Variants in IL10 observed in about 807,000 individuals in gnomAD.
IL10 encodes the protein interleukin 10.
A neutral mutation model predicts 21.0 loss-of-function variants in IL10; 7 were observed. The ratio of observed to expected loss-of-function variants is 0.33; its 90% CI spans 0.19 to 0.63. The LOEUF (loss-of-function observed/expected upper bound fraction) is 0.63, where lower values mean the gene tolerates loss of function less well. Ranked by LOEUF, IL10 falls within the 20% of genes least tolerant of loss-of-function variation. The pLI, the probability that IL10 is intolerant of heterozygous loss-of-function variation, is 0.77. For synonymous variants in IL10, 83 were observed against 79.7 expected (o/e 1.04, Z -0.22); for missense variants, 161 against 213.0 (o/e 0.76, Z 1.52).
At chr1:206,771,245 TCTC>T (rs2102439547) in intron 2 of IL10, 108 bp downstream of exon 2, 2 of 1,197,974 alleles carry the variant, frequency 1.7e-6, no homozygotes, top group East Asian at 2.3e-5. Context: ...TCTTCCCACT[TCTC>T]CTTTTCAAAG....
In IL10 at chr1:206,772,424, T is replaced by C. The variant is rs766025752; in HGVS notation, c.12A>G (p.Ser4=). 2.0e-5 allele frequency: 33 copies of C among 1,614,010 alleles called. No individual in the cohort carries two copies. The highest frequency in any genetic ancestry group is 2.7e-5 in the Non-Finnish European group (32 of 1,180,026). ...GGAGGACCAGGCAACAGAGCAGTGCTGAGCTGTGCATGCCTTCTTTTGCAA... is the reference window on the plus strand; with the variant it reads ...GGAGGACCAGGCAACAGAGCAGTGCCGAGCTGTGCATGCCTTCTTTTGCAA... The part of the protein sequence containing the change: MHS[S]ALLCCLVLLT... The change falls in exon 1 of 5, where the codon TCA becomes TCG. Residue 4 remains serine, a synonymous_variant. Transcript: ENST00000423557.
intron 1 of IL10, among the ~76,000 whole-genome samples, chr1:206,771,778 C>T (rs1469841354): frequency 6.6e-6 from 1 of 152,204 alleles, no homozygotes; most frequent in Non-Finnish European, 1.5e-5. Flanking sequence ...TTTCTTTCTC[C>T]CCACTGTAGA....
intron 3 of IL10, chr1:206,770,683 G>A: frequency 1.7e-6 from 1 of 584,920 alleles, no homozygotes; most frequent in Non-Finnish European, 3.1e-6. Flanking sequence ...CAAATAACAG[G>A]AAAGCTGTTT....
intron 4 of IL10, chr1:206,769,541 C>T (rs1349092001): frequency 1.9e-6 from 1 of 537,046 alleles, no homozygotes; most frequent in Non-Finnish European, 3.4e-6. Context: ...TCACTCTCCC[C>T]AGCATGCAGC....
At chr1:206,771,442 A>C (rs917495204) in intron 1 of IL10, 27 bp from the exon 2 acceptor site, 6 of 1,577,968 alleles carry the variant, frequency 3.8e-6, no homozygotes, top group Non-Finnish European at 5.2e-6. Flanking sequence ...AGGAGAATGA[A>C]CTTGAGGTTT....
intron 1 of IL10, among the ~76,000 whole-genome samples, chr1:206,771,734 G>A (rs903738728): frequency 6.6e-6 from 1 of 152,160 alleles, no homozygotes; most frequent in Non-Finnish European, 1.5e-5. Context: ...AACCCTTCGG[G>A]GCCTTGAGCC....
rs1262179470 is a variant in IL10 at position 206,770,825 on chromosome 1, G to A, written c.378+82C>T. On this transcript the variant is annotated intron_variant, in intron 3 of 4. Coordinates refer to ENST00000423557, the MANE Select transcript of IL10 (RefSeq NM_000572.3). The stretch of plus-strand genomic sequence containing the variant: ...GCCAGTCTGTGTCTTTGCTGTGTCT[G>A]TGGATGTGAGTGTCCCTGCTGGTCT... 2.5e-5 allele frequency: 33 copies of A among 1,314,568 alleles called. No homozygotes were observed. The East Asian group carries it at 7.1e-4, about 28-fold the overall frequency. 81.4% of individuals were successfully genotyped at this position (1,314,568 alleles called of 1,614,324 possible).
Position 206,770,972 on chromosome 1 carries a change from T to C in IL10, c.313A>G (p.Ile105Val). 1.2e-6 allele frequency: 2 copies of C among 1,614,176 alleles called. No individual in the cohort carries two copies. The highest frequency in any genetic ancestry group is 8.5e-7 in the Non-Finnish European group (1 of 1,180,008). Reference sequence around the variant, plus strand: ...CCCAGGGAGTTCACATGCGCCTTGATGTCTGGGTCTTGGTTCTCAGCTTGG... The same window carrying C: ...CCCAGGGAGTTCACATGCGCCTTGACGTCTGGGTCTTGGTTCTCAGCTTGG... ...MPQAENQDPD[I>V]KAHVNSLGEN... is the part of the protein sequence containing the mutation. Residue 105 changes from isoleucine to valine, a missense_variant, in exon 3 of 5, where the codon ATC becomes GTC. Physicochemically the swap from Ile to Val is conservative, Grantham distance 29. Coordinates refer to ENST00000423557, the MANE Select transcript of IL10 (RefSeq NM_000572.3).
rs1674802637 is a variant in IL10 at position 206,770,725 on chromosome 1, C to T, written c.378+182G>A. On this transcript the variant is annotated intron_variant, in intron 3 of 4. Transcript: ENST00000423557. ...TTCACATGTAAATGCCTAGCAGCCA[C>T]CCCCAACGCCTGCTCAAAGAGAAAT... 6 of 646,958 alleles carry T rather than the reference C, an allele frequency of 9.3e-6. No individual in the cohort carries two copies. In the East Asian group the frequency reaches 1.4e-4, roughly 15 times the overall value. 40.1% of individuals were successfully genotyped at this position (646,958 alleles called of 1,614,324 possible). A position where few individuals can be genotyped will look rare whatever the true frequency, so the allele number is the denominator to read the frequency against.
At chr1:206,769,944 T>C in intron 3 of IL10, 50 bp from the exon 4 acceptor site, 3 of 1,472,612 alleles carry the variant, frequency 2.0e-6, no homozygotes, top group Non-Finnish European at 2.9e-6. Flanking sequence ...CAGCTCCATG[T>C]CCATCACACT....
At position 206,769,838 on chromosome 1, in the gene IL10, G is replaced by A; in HGVS notation, c.435C>T (p.Ala145=). 6.2e-7 allele frequency: 1 copy of A among 1,613,382 alleles called. No homozygotes were observed. The highest frequency in any genetic ancestry group is 8.5e-7 in the Non-Finnish European group (1 of 1,179,358). Reference sequence around the variant, plus strand: ...CACCATCCAAGCTCACCTTATTAAAGGCATTCTTCACCTGCTCCACGGCCT... The same window carrying A: ...CACCATCCAAGCTCACCTTATTAAAAGCATTCTTCACCTGCTCCACGGCCT... ...KSKAVEQVKN[A]FNKLQEKGIY... is the part of the protein sequence containing the mutation. Residue 145 remains alanine, a synonymous_variant, in exon 4 of 5, where the codon GCC becomes GCT. Transcript: ENST00000423557.
chr1:206,769,685 C>G, intron 4 of IL10, 144 bp downstream of exon 4: 1 of 728,700 alleles, frequency 1.4e-6, no homozygotes, highest in Non-Finnish European at 2.5e-6. Flanking sequence ...ACTGGCTGAG[C>G]AGGTCATACC....
rs45588933 is a variant in IL10, at chr1:206,768,621, C to T, written c.*15G>A. On this transcript the variant is annotated 3_prime_UTR_variant, in exon 5 of 5. Coordinates refer to ENST00000423557, the MANE Select transcript of IL10 (RefSeq NM_000572.3). Reference sequence around the variant, plus strand: ...ATTTATGTCCTAGAGTCTATAGAGTCGCCACCCTGATGTCTCAGTTTCGTA... The same window carrying T: ...ATTTATGTCCTAGAGTCTATAGAGTTGCCACCCTGATGTCTCAGTTTCGTA... 1.4e-5 allele frequency: 21 copies of T among 1,474,692 alleles called. No individual in the cohort carries two copies. The East Asian group carries it at 3.8e-4, about 27-fold the overall frequency. The allele number at this position is 1,474,692 out of a possible 1,614,324, so 91.4% of individuals were successfully genotyped here.
chr1:206,771,523 GCTCTGGCCC>G, intron 1 of IL10, 108 bp from the exon 2 acceptor site: 1 of 894,594 alleles, frequency 1.1e-6, no homozygotes, highest in Non-Finnish European at 1.8e-6. Context: ...AATAAAATTG[GCTCTGGCCC>G]AAAAAAATCA....
Position 206,768,476 on chromosome 1 carries a change from A to G in IL10, c.*160T>C. The G allele has an allele frequency of 1.6e-6, 1 of 620,190 alleles. No homozygotes were observed. Among genetic ancestry groups the G allele is most frequent in the Non-Finnish European group, 2.9e-6 (1 of 347,102 alleles). The allele number at this position is 620,190 out of a possible 1,614,324, so 38.4% of individuals were successfully genotyped here. A position where few individuals can be genotyped will look rare whatever the true frequency, so the allele number is the denominator to read the frequency against. On this transcript the variant is annotated 3_prime_UTR_variant, in exon 5 of 5. Transcript: ENST00000423557. ...GTTCACAGAGAAGCTCAGTAAATAAATAGAAATGGGGGTTGAGGTATCAGA... is the reference window on the plus strand; with the variant it reads ...GTTCACAGAGAAGCTCAGTAAATAAGTAGAAATGGGGGTTGAGGTATCAGA...
chr1:206,769,473 C>T (rs1674758571), intron 4 of IL10: 5 of 392,000 alleles, frequency 1.3e-5, no homozygotes, highest in South Asian at 2.4e-5. Context: ...GCTTCCTGCA[C>T]GTGTGGGTTC....
At chr1:206,770,065 A>G (rs3024508) in intron 3 of IL10, among the ~76,000 whole-genome samples, 171 bp from the exon 4 acceptor site, 1 of 152,060 alleles carries the variant, frequency 6.6e-6, no homozygotes, top group African/African-American at 2.4e-5. Context: ...AGTTAAATGT[A>G]TTTCTCCAGG....
At chr1:206,771,521 T>G (rs1674841918) in intron 1 of IL10, 106 bp from the exon 2 acceptor site, 2 of 920,178 alleles carry the variant, frequency 2.2e-6, no homozygotes, top group Admixed American at 4.0e-5. Context: ...TAAATAAAAT[T>G]GGCTCTGGCC....
rs1350063968 is a variant in IL10 at position 206,768,044 on chromosome 1, G to A, written c.*592C>T. Reference sequence around the variant, plus strand: ...CGCGCCCGGCCTAGAACCAAATTTAGGTTGTTATAAATAACAAGCTGGCCA... The same window carrying A: ...CGCGCCCGGCCTAGAACCAAATTTAAGTTGTTATAAATAACAAGCTGGCCA... On this transcript the variant is annotated 3_prime_UTR_variant, in exon 5 of 5. Transcript: ENST00000423557. 3.2e-5 allele frequency: 6 copies of A among 189,056 alleles called. No individual in the cohort carries two copies. The highest frequency in any genetic ancestry group is 6.2e-5 in the Admixed American group (1 of 16,258). 11.7% of individuals were successfully genotyped at this position (189,056 alleles called of 1,614,324 possible).
Sources: gnomAD v4.1 joint callset for allele counts (sites outside exome capture counted in the v4.1 genomes callset) on GRCh38, gnomAD v4.1.1 for gene constraint, MANE v1.5 for transcripts, NCBI Gene and HGNC (gene_info 2026-07-23, HGNC 2026-07-21) for gene names.